COL9A2: variants seen among roughly 807,000 people sequenced by gnomAD.
COL9A2 encodes the protein collagen type IX alpha 2 chain.
A neutral mutation model predicts 111.6 loss-of-function variants in COL9A2; 66 were observed. That is an observed-to-expected ratio of 0.59 (90% CI 0.48 to 0.73). COL9A2 has a LOEUF of 0.73. Among genes scored for constraint, COL9A2 ranks in the 30% least tolerant of loss-of-function variants. The probability of loss-of-function intolerance (pLI) is 0.00; values close to 1 mark genes in which losing one functional copy is unlikely to be tolerated. For synonymous variants in COL9A2, 353 were observed against 364.1 expected, an observed-to-expected ratio of 0.97 and a Z score of 0.35; for missense variants, 881 against 954.1, an observed-to-expected ratio of 0.92 and a Z score of 1.01.
rs1644129751 is a variant in COL9A2, at chr1:40,311,645, G to A, written c.471+17C>T. On this transcript the variant is annotated intron_variant, in intron 9 of 31. Coordinates refer to ENST00000372748, the MANE Select transcript of COL9A2 (RefSeq NM_001852.4). This position sits in a 1 kb window ranked among gnomAD's most constrained non-coding sequence, Gnocchi z 5.1. ...TTCCCCTGCACTTTGCCATGTCGGG[G>A]GTCTGGGGACACTTACAGGTTTCCC... is the stretch of plus-strand genomic sequence containing the variant. 2 of 1,613,950 alleles carry A rather than the reference G, an allele frequency of 1.2e-6. No individual in the cohort carries two copies. The highest frequency in any genetic ancestry group is 2.2e-5 in the South Asian group (2 of 91,076).
chr1:40,315,355 A>C, intron 2 of COL9A2: 1 of 1,356,012 alleles, frequency 7.4e-7, no homozygotes, highest in East Asian at 2.9e-5. Context: ...CGGCCGGCGG[A>C]CTGAACAGCA....
At position 40,314,143 on chromosome 1, in the gene COL9A2, C is replaced by T; in HGVS notation, c.249+62G>A. On this transcript the variant is annotated intron_variant, in intron 4 of 31. Transcript: ENST00000372748. The surrounding 1 kb of genome is among the most constrained non-coding windows in gnomAD (Gnocchi z 4.1). ...GAACAGATCAGTGAAGATGCCAGAGCCAGGCCCTGGAGGTCAATTGGCAGA... is the reference window on the plus strand; with the variant it reads ...GAACAGATCAGTGAAGATGCCAGAGTCAGGCCCTGGAGGTCAATTGGCAGA... The T allele has an allele frequency of 6.4e-7, 1 of 1,559,918 alleles. No individual in the cohort carries two copies. Among genetic ancestry groups the T allele is most frequent in the Non-Finnish European group, 8.8e-7 (1 of 1,131,700 alleles).
intron 31 of COL9A2, 145 bp downstream of exon 31, chr1:40,301,667 G>T: frequency 1.3e-6 from 1 of 783,350 alleles, no homozygotes; most frequent in Non-Finnish European, 2.0e-6. Context: ...AGAGACTCCG[G>T]GGTGCTCCAA....
At position 40,316,754 on chromosome 1, in the gene COL9A2, C is replaced by G. The variant is rs554124960; in HGVS notation, c.75+369G>C. ...GACAGCGGCGTCTGGTTGGAGCCGG[C>G]GCCCCCTGGGAGGCGGCGGGGGCGG... On this transcript the variant is annotated intron_variant, in intron 1 of 31. Transcript: ENST00000372748. This position sits in a 1 kb window ranked among gnomAD's most constrained non-coding sequence, Gnocchi z 5.5. The G allele has an allele frequency of 2.7e-6, 1 of 364,044 alleles. No homozygotes were observed. The highest frequency in any genetic ancestry group is 2.3e-5 in the African/African-American group (1 of 43,624). 22.6% of individuals were successfully genotyped at this position (364,044 alleles called of 1,614,324 possible). A position where few individuals can be genotyped will look rare whatever the true frequency, so the allele number is the denominator to read the frequency against.
chr1:40,314,354 G>C lies in COL9A2; in HGVS notation c.184C>G (p.Pro62Ala). Residue 62 changes from proline to alanine, a missense_variant and splice_region_variant, in exon 3 of 32, where the codon CCG (proline) becomes GCG (alanine). Coordinates refer to ENST00000372748, the MANE Select transcript of COL9A2 (RefSeq NM_001852.4). This position sits in a 1 kb window ranked among gnomAD's most constrained non-coding sequence, Gnocchi z 4.1. ...DNGPPGKAGP[P>A]GPKGEPGKAG... Reference sequence around the variant, plus strand: ...GCCAAAGAGGATAAAGCACTCACCGGAGGGCCAGCTTTTCCAGGGGGCCCA... The same window carrying C: ...GCCAAAGAGGATAAAGCACTCACCGCAGGGCCAGCTTTTCCAGGGGGCCCA... 1 of 1,614,184 alleles carries C rather than the reference G, an allele frequency of 6.2e-7. No individual in the cohort carries two copies. Among genetic ancestry groups the C allele is most frequent in the Non-Finnish European group, 8.5e-7 (1 of 1,180,042 alleles).
chr1:40,301,995 T>C, intron 30 of COL9A2, 106 bp from the exon 31 acceptor site: 1 of 1,174,958 alleles, frequency 8.5e-7, no homozygotes. Flanking sequence ...TGTGCTAGTT[T>C]GTAATAGAGG....
chr1:40,312,203 C>A lies in COL9A2; in HGVS notation c.364-91G>T. 1.7e-6 allele frequency: 2 copies of A among 1,207,838 alleles called. No homozygotes were observed. The highest frequency in any genetic ancestry group is 2.3e-6 in the Non-Finnish European group (2 of 853,108). The allele number at this position is 1,207,838 out of a possible 1,614,324, so 74.8% of individuals were successfully genotyped here. ...AGACAGGCACCCAAAGCCCGTTTCT[C>A]CACTTTTACTTTTTTTTTTTTTTTG... On this transcript the variant is annotated intron_variant, in intron 7 of 31. Coordinates refer to ENST00000372748, the MANE Select transcript of COL9A2 (RefSeq NM_001852.4). This position sits in a 1 kb window ranked among gnomAD's most constrained non-coding sequence, Gnocchi z 6.0.
chr1:40,305,698 G>C lies in COL9A2; in HGVS notation c.1107+17C>G, dbSNP rs1385163539. ...CCCTAAAGCAGGAACCCTTGTGTCA[G>C]TGCAGGGGGCATTTACCTCTTTCCC... On this transcript the variant is annotated intron_variant, in intron 21 of 31. Transcript: ENST00000372748. 3.1e-6 allele frequency: 5 copies of C among 1,613,258 alleles called. No individual in the cohort carries two copies. Among genetic ancestry groups the C allele is most frequent in the Non-Finnish European group, 4.2e-6 (5 of 1,179,222 alleles).
At position 40,300,914 on chromosome 1, in the gene COL9A2, T is replaced by G; in HGVS notation, c.*268A>C. The stretch of plus-strand genomic sequence containing the variant: ...TGTTTTGGTAACAGCCGAATGATGC[T>G]CGCTGGAAGGAAAGCCGCCCTATTC... On this transcript the variant is annotated 3_prime_UTR_variant, in exon 32 of 32. Coordinates refer to ENST00000372748, the MANE Select transcript of COL9A2 (RefSeq NM_001852.4). The surrounding 1 kb of genome is among the most constrained non-coding windows in gnomAD (Gnocchi z 4.4). 2.1e-6 allele frequency: 1 copy of G among 474,960 alleles called. No homozygotes were observed. The highest frequency in any genetic ancestry group is 3.4e-5 in the East Asian group (1 of 29,286). The allele number at this position is 474,960 out of a possible 1,614,324, so 29.4% of individuals were successfully genotyped here. A position where few individuals can be genotyped will look rare whatever the true frequency, so the allele number is the denominator to read the frequency against.
chr1:40,306,148 C>T lies in COL9A2; in HGVS notation c.1048G>A (p.Asp350Asn). 6.2e-7 allele frequency: 1 copy of T among 1,614,156 alleles called. No homozygotes were observed. Among genetic ancestry groups the T allele is most frequent in the Non-Finnish European group, 8.5e-7 (1 of 1,180,034 alleles). ...GQPGTKGGPGDQGEPGPQGLP... is the reference protein window; with the variant it reads ...GQPGTKGGPGNQGEPGPQGLP... ...CCAGCTTGGGATCGCCTCACCTGGT[C>T]TCCAGGGCCTCCTTTTGTCCCAGGC... Residue 350 changes from aspartate to asparagine, a missense_variant, in exon 20 of 32, where the codon GAC becomes AAC. By Grantham distance (23) the Asp-to-Asn change is conservative. Coordinates refer to ENST00000372748, the MANE Select transcript of COL9A2 (RefSeq NM_001852.4).
At position 40,310,616 on chromosome 1, in the gene COL9A2, G is replaced by T; in HGVS notation, c.684+98C>A. ...GAGATGCTCCCAGCTAGACACAGGT[G>T]TCTCTTTTACAAGCTAGAGGCCTGA... is the stretch of plus-strand genomic sequence containing the variant. On this transcript the variant is annotated intron_variant, in intron 13 of 31. Coordinates refer to ENST00000372748, the MANE Select transcript of COL9A2 (RefSeq NM_001852.4). This position sits in a 1 kb window ranked among gnomAD's most constrained non-coding sequence, Gnocchi z 4.9. 1 of 1,110,908 alleles carries T rather than the reference G, an allele frequency of 9.0e-7. No individual in the cohort carries two copies. Among genetic ancestry groups the T allele is most frequent in the Non-Finnish European group, 1.3e-6 (1 of 745,356 alleles). The allele number at this position is 1,110,908 out of a possible 1,614,324, so 68.8% of individuals were successfully genotyped here. A position where few individuals can be genotyped will look rare whatever the true frequency, so the allele number is the denominator to read the frequency against.
chr1:40,310,325 GA>G lies in COL9A2; in HGVS notation c.685-9del. 6.2e-7 allele frequency: 1 copy of G among 1,613,942 alleles called. No homozygotes were observed. ...CCTGATGCCCTGGGGACCCTGTTGA[GA>G]AAGAAAAATGACAGCAATGGCAATT... On this transcript the variant is annotated splice_polypyrimidine_tract_variant and intron_variant, in intron 13 of 31. Transcript: ENST00000372748. The surrounding 1 kb of genome is among the most constrained non-coding windows in gnomAD (Gnocchi z 4.9).
chr1:40,304,576 G>T, intron 22 of COL9A2, 47 bp from the exon 23 acceptor site: 8 of 1,608,230 alleles, frequency 5.0e-6, no homozygotes, highest in Non-Finnish European at 6.8e-6. Context: ...CTCAGCAGGG[G>T]TAGCCTCCCG....
Position 40,304,860 on chromosome 1 carries a change from GAAA to G in COL9A2, c.1108-16_1108-14del, listed in dbSNP as rs1316187817. ...GCCCTGGCTCTCCCTGGAGGAAGGA[GAAA>G]TTGGGGCTAAGCGTTTGACCTGGTG... On this transcript the variant is annotated splice_polypyrimidine_tract_variant and intron_variant, in intron 21 of 31. Coordinates refer to ENST00000372748, the MANE Select transcript of COL9A2 (RefSeq NM_001852.4). 3.9e-6 allele frequency: 6 copies of G among 1,549,052 alleles called. No homozygotes were observed. The East Asian group carries it at 1.5e-4, about 38-fold the overall frequency.
chr1:40,301,719 C>T, intron 31 of COL9A2, 93 bp downstream of exon 31: 1 of 1,228,074 alleles, frequency 8.1e-7, no homozygotes, highest in Non-Finnish European at 1.2e-6. Context: ...GCTGGCTGAG[C>T]GTGAGGCCGC....
Position 40,304,469 on chromosome 1 carries a change from C to CA in COL9A2, c.1215+6dup. On this transcript the variant is annotated splice_region_variant and intron_variant, in intron 23 of 31. Coordinates refer to ENST00000372748, the MANE Select transcript of COL9A2 (RefSeq NM_001852.4). ...CGCCCTGCCCACCTTAGCTGGCCTG[C>CA]ACTCACCTGCCTTCCCTGAGGGCCT... is the stretch of plus-strand genomic sequence containing the variant. 6.2e-7 allele frequency: 1 copy of CA among 1,614,166 alleles called. No homozygotes were observed. The highest frequency in any genetic ancestry group is 8.5e-7 in the Non-Finnish European group (1 of 1,180,016).
Position 40,303,383 on chromosome 1 carries a change from T to A in COL9A2, c.1548+147A>T. On this transcript the variant is annotated intron_variant, in intron 28 of 31. Coordinates refer to ENST00000372748, the MANE Select transcript of COL9A2 (RefSeq NM_001852.4). This position sits in a 1 kb window ranked among gnomAD's most constrained non-coding sequence, Gnocchi z 4.6. Reference sequence around the variant, plus strand: ...CGCGGGGTAATCCCTCAGGCTGCACTCACAGCCTTCCTGTCTGCTCTGGGG... The same window carrying A: ...CGCGGGGTAATCCCTCAGGCTGCACACACAGCCTTCCTGTCTGCTCTGGGG... 7.9e-7 allele frequency: 1 copy of A among 1,260,384 alleles called. No homozygotes were observed. Among genetic ancestry groups the A allele is most frequent in the Admixed American group, 2.0e-5 (1 of 50,032 alleles). 78.1% of individuals were successfully genotyped at this position (1,260,384 alleles called of 1,614,324 possible).
rs1643947951 is a variant in COL9A2, at chr1:40,303,443, T to C, written c.1548+87A>G. 2.6e-6 allele frequency: 4 copies of C among 1,562,938 alleles called. No individual in the cohort carries two copies. Among genetic ancestry groups the C allele is most frequent in the African/African-American group, 2.7e-5 (2 of 73,452 alleles). ...AGTCTCGGGGAAGTCGGTGAGTCTC[T>C]GGGAATCCCTAGCCTTTGGCGGGTA... On this transcript the variant is annotated intron_variant, in intron 28 of 31. Transcript: ENST00000372748. The surrounding 1 kb of genome is among the most constrained non-coding windows in gnomAD (Gnocchi z 4.6).
In COL9A2 at chr1:40,302,942, G is replaced by T; in HGVS notation, c.1604-133C>A. ...GACAGAAAAGCACCACCTTCCGTGG[G>T]CTCTGTTTTGCGGAAGTCAAAGGCC... On this transcript the variant is annotated intron_variant, in intron 29 of 31. Coordinates refer to ENST00000372748, the MANE Select transcript of COL9A2 (RefSeq NM_001852.4). This position sits in a 1 kb window ranked among gnomAD's most constrained non-coding sequence, Gnocchi z 4.5. 1 of 1,131,624 alleles carries T rather than the reference G, an allele frequency of 8.8e-7. No individual in the cohort carries two copies. The highest frequency in any genetic ancestry group is 1.3e-6 in the Non-Finnish European group (1 of 781,526). The allele number at this position is 1,131,624 out of a possible 1,614,324, so 70.1% of individuals were successfully genotyped here. A position where few individuals can be genotyped will look rare whatever the true frequency, so the allele number is the denominator to read the frequency against.
Sources: allele counts gnomAD v4.1 joint callset, GRCh38; gene constraint gnomAD v4.1.1; non-coding constraint Gnocchi (gnomAD v3.1); transcripts MANE v1.5; gene names NCBI Gene and HGNC (gene_info 2026-07-23, HGNC 2026-07-21).